CAMKV: variants seen among roughly 807,000 people sequenced by gnomAD.
CAMKV encodes the protein caM kinase-like vesicle-associated protein.
A neutral mutation model predicts 50.2 loss-of-function variants in CAMKV; 5 were observed. The ratio of observed to expected loss-of-function variants is 0.10; its 90% CI spans 0.05 to 0.21. CAMKV has a LOEUF of 0.21. Among genes scored for constraint, CAMKV ranks in the 10% least tolerant of loss-of-function variants. The pLI, the probability that CAMKV is intolerant of heterozygous loss-of-function variation, is 1.00. For missense variants in CAMKV, 361 were observed against 650.5 expected (o/e 0.55, Z 4.84); for synonymous variants, 229 against 250.1 (o/e 0.92, Z 0.80).
At chr3:49,864,180 A>T (rs1355081002) in intron 1 of CAMKV, among the ~76,000 whole-genome samples, 1 of 152,204 alleles carries the variant, frequency 6.6e-6, no homozygotes, top group Non-Finnish European at 1.5e-5. Flanking sequence ...TGCTTGGGGG[A>T]TTCCTCAGAG....
intron 1 of CAMKV, among the ~76,000 whole-genome samples, chr3:49,863,005 A>G (rs2082035903): frequency 6.6e-6 from 1 of 152,280 alleles, no homozygotes; most frequent in African/African-American, 2.4e-5. Context: ...AATTGAAAAC[A>G]GACCAAATAC....
At position 49,859,402 on chromosome 3, in the gene CAMKV, G is replaced by T. The variant is rs199584092; in HGVS notation, c.1422C>A (p.Gly474=). 3 of 1,600,130 alleles carry T rather than the reference G, an allele frequency of 1.9e-6. No homozygotes were observed. Among genetic ancestry groups the T allele is most frequent in the African/African-American group, 1.3e-5 (1 of 74,690 alleles). Residue 474 remains glycine (G), a synonymous_variant, in exon 11 of 11, where the codon GGC becomes GGA. Coordinates refer to ENST00000477224, the MANE Select transcript of CAMKV (RefSeq NM_024046.5). The surrounding 1 kb of genome is among the most constrained non-coding windows in gnomAD (Gnocchi z 5.5). ...MAQPDSTAPE[G]ATGQAPPSSK... ...TAGAGGGTGGAGCCTGGCCTGTGGC[G>T]CCCTCTGGGGCTGTGCTGTCCGGCT... is the stretch of plus-strand genomic sequence containing the variant.
Position 49,861,366 on chromosome 3 carries a change from G to A in CAMKV, c.442-66C>T. The A allele has an allele frequency of 6.2e-7, 1 of 1,613,010 alleles. No individual in the cohort carries two copies. The highest frequency in any genetic ancestry group is 8.5e-7 in the Non-Finnish European group (1 of 1,179,278). On this transcript the variant is annotated intron_variant, in intron 5 of 10. Transcript: ENST00000477224. The surrounding 1 kb of genome is among the most constrained non-coding windows in gnomAD (Gnocchi z 7.7). ...ATGAGGACCTTGGAGGCTAGACCAA[G>A]GCCCTGAGGTGCTGCCCACCCCAGC...
rs2082088709 is a variant in CAMKV at position 49,869,327 on chromosome 3, C to A, written c.-15+431G>T. Among the ~76,000 whole-genome samples the A allele has an allele frequency of 6.6e-6, 1 of 152,186 alleles. No individual in the cohort carries two copies. Among genetic ancestry groups the A allele is most frequent in the Admixed American group, 6.5e-5 (1 of 15,282 alleles). Reference sequence around the variant, plus strand: ...CCCCGCGGCAGCCCCGCCCAGCCCCCTCCGGGTTGTCGCCCATAAAGAACT... The same window carrying A: ...CCCCGCGGCAGCCCCGCCCAGCCCCATCCGGGTTGTCGCCCATAAAGAACT... On this transcript the variant is annotated intron_variant, in intron 1 of 10. Transcript: ENST00000477224. The surrounding 1 kb of genome is among the most constrained non-coding windows in gnomAD (Gnocchi z 5.2).
Position 49,860,647 on chromosome 3 carries a change from G to T in CAMKV, c.775+69C>A. ...GGGACAGAAGCAGAATACCACAGAG[G>T]AAGATGAGAGCAGGACACCCTCCCC... On this transcript the variant is annotated intron_variant, in intron 8 of 10. Coordinates refer to ENST00000477224, the MANE Select transcript of CAMKV (RefSeq NM_024046.5). This position sits in a 1 kb window ranked among gnomAD's most constrained non-coding sequence, Gnocchi z 6.1. 6.2e-7 allele frequency: 1 copy of T among 1,611,592 alleles called. No individual in the cohort carries two copies. The highest frequency in any genetic ancestry group is 1.7e-4 in the Middle Eastern group (1 of 6,054).
intron 1 of CAMKV, among the ~76,000 whole-genome samples, chr3:49,866,223 C>T (rs1478666172): frequency 6.6e-6 from 1 of 152,186 alleles, no homozygotes; most frequent in Non-Finnish European, 1.5e-5. Context: ...TCCCTCTGCC[C>T]ACACCCACTC....
At position 49,862,488 on chromosome 3, in the gene CAMKV, G is replaced by T; in HGVS notation, c.-14-86C>A. On this transcript the variant is annotated intron_variant, in intron 1 of 10. Coordinates refer to ENST00000477224, the MANE Select transcript of CAMKV (RefSeq NM_024046.5). The surrounding 1 kb of genome is among the most constrained non-coding windows in gnomAD (Gnocchi z 5.2). ...GCTGCTTTTGGGAGACCCCAACCTGGCTCAGGCCAAGCTAGGGGCAGAGAC... is the reference window on the plus strand; with the variant it reads ...GCTGCTTTTGGGAGACCCCAACCTGTCTCAGGCCAAGCTAGGGGCAGAGAC... 1 of 1,192,478 alleles carries T rather than the reference G, an allele frequency of 8.4e-7. No individual in the cohort carries two copies. Among genetic ancestry groups the T allele is most frequent in the Non-Finnish European group, 1.2e-6 (1 of 802,466 alleles). 73.9% of individuals were successfully genotyped at this position (1,192,478 alleles called of 1,614,324 possible). A position where few individuals can be genotyped will look rare whatever the true frequency, so the allele number is the denominator to read the frequency against.
At position 49,859,769 on chromosome 3, in the gene CAMKV, C is replaced by T; in HGVS notation, c.1055G>A (p.Gly352Asp). 6.4e-7 allele frequency: 1 copy of T among 1,562,146 alleles called. No individual in the cohort carries two copies. Among genetic ancestry groups the T allele is most frequent in the Non-Finnish European group, 8.7e-7 (1 of 1,154,974 alleles). ...ATDTATPGAA[G>D]GATAAAASGA... ...ACTCGCAGCTGCAGCTGTGGCCCCACCTGCAGCCCCGGGGGTGGCAGTGTC... is the reference window on the plus strand; with the variant it reads ...ACTCGCAGCTGCAGCTGTGGCCCCATCTGCAGCCCCGGGGGTGGCAGTGTC... Residue 352 changes from glycine to aspartate, a missense_variant, in exon 11 of 11, where the codon GGT (glycine) becomes GAT (aspartate). By Grantham distance (94) the Gly-to-Asp change is moderately conservative (BLOSUM62 -1). This residue lies in a region of CAMKV where 87 missense variants were observed against 92.0 expected (regional missense o/e 0.95). Transcript: ENST00000477224. This position sits in a 1 kb window ranked among gnomAD's most constrained non-coding sequence, Gnocchi z 5.5.
At position 49,861,194 on chromosome 3, in the gene CAMKV, G is replaced by C; in HGVS notation, c.548C>G (p.Thr183Ser). The change falls in exon 6 of 11, where the codon ACC (threonine) becomes AGC (serine). Residue 183 changes from threonine to serine, a missense_variant. By Grantham distance (58) the Thr-to-Ser change is moderately conservative. Around this residue, in one of 4 missense-constraint regions of CAMKV, gnomAD observed 172 missense variants for 414.3 expected, o/e 0.42. Coordinates refer to ENST00000477224, the MANE Select transcript of CAMKV (RefSeq NM_024046.5). This position sits in a 1 kb window ranked among gnomAD's most constrained non-coding sequence, Gnocchi z 7.7. ...CCCCTGCTTGCCCAGATACTCGGGG[G>C]TCCCACAGGGCTCCTTGATGAGGCC... ...ENGLIKEPCG[T>S]PEYLAPEVVG... 1 of 1,613,734 alleles carries C rather than the reference G, an allele frequency of 6.2e-7. No homozygotes were observed. Among genetic ancestry groups the C allele is most frequent in the Non-Finnish European group, 8.5e-7 (1 of 1,179,964 alleles).
Position 49,861,041 on chromosome 3 carries a change from C to T in CAMKV, c.563-23G>A, listed in dbSNP as rs764446739. On this transcript the variant is annotated intron_variant, in intron 6 of 10. Transcript: ENST00000477224. The surrounding 1 kb of genome is among the most constrained non-coding windows in gnomAD (Gnocchi z 7.7). Reference sequence around the variant, plus strand: ...GGGCTACAAACACAGCGCCCATCTGCTGGTCAGTATCAGGCCTAGCCAGGT... The same window carrying T: ...GGGCTACAAACACAGCGCCCATCTGTTGGTCAGTATCAGGCCTAGCCAGGT... 1 of 1,613,920 alleles carries T rather than the reference C, an allele frequency of 6.2e-7. No individual in the cohort carries two copies. The highest frequency in any genetic ancestry group is 1.1e-5 in the South Asian group (1 of 91,080).
intron 1 of CAMKV, among the ~76,000 whole-genome samples, chr3:49,866,891 G>A (rs2082069600): frequency 6.6e-6 from 1 of 152,228 alleles, no homozygotes; most frequent in South Asian, 2.1e-4. Flanking sequence ...CCTGGTTCAG[G>A]CCCTACCTTT....
At chr3:49,866,267 G>T (rs2082065056) in intron 1 of CAMKV, among the ~76,000 whole-genome samples, 1 of 152,176 alleles carries the variant, frequency 6.6e-6, no homozygotes. Context: ...TCCCTGGGAG[G>T]TTTCGGGTGT....
rs898424660 is a variant in CAMKV, at chr3:49,862,938, T to C, written c.-14-536A>G. On this transcript the variant is annotated intron_variant, in intron 1 of 10. Transcript: ENST00000477224. This position sits in a 1 kb window ranked among gnomAD's most constrained non-coding sequence, Gnocchi z 5.2. ...ATACGTGCCTACAGAAGTGCACATA[T>C]TCGTGCATCAGGACAGTCATACAAT... Among the ~76,000 whole-genome samples, 4 of 152,260 alleles carry C rather than the reference T, an allele frequency of 2.6e-5. No homozygotes were observed. Among genetic ancestry groups the C allele is most frequent in the African/African-American group, 9.6e-5 (4 of 41,468 alleles).
At position 49,859,884 on chromosome 3, in the gene CAMKV, G is replaced by A. The variant is rs865973354; in HGVS notation, c.943-3C>T. 5 of 1,511,318 alleles carry A rather than the reference G, an allele frequency of 3.3e-6. No homozygotes were observed. The highest frequency in any genetic ancestry group is 1.4e-5 in the African/African-American group (1 of 71,954). 93.6% of individuals were successfully genotyped at this position (1,511,318 alleles called of 1,614,324 possible). A position where few individuals can be genotyped will look rare whatever the true frequency, so the allele number is the denominator to read the frequency against. ...AGGGTGGTCACTCGGACAGCCTTCT[G>A]AAAGGAGCACAGTGGAGAAAGGCTA... On this transcript the variant is annotated splice_region_variant and splice_polypyrimidine_tract_variant and intron_variant, in intron 10 of 10. Coordinates refer to ENST00000477224, the MANE Select transcript of CAMKV (RefSeq NM_024046.5). The surrounding 1 kb of genome is among the most constrained non-coding windows in gnomAD (Gnocchi z 5.5).
chr3:49,866,955 C>T (rs1484404496), intron 1 of CAMKV, among the ~76,000 whole-genome samples: 1 of 152,232 alleles, frequency 6.6e-6, no homozygotes, highest in African/African-American at 2.4e-5. Flanking sequence ...CGTGGGGCTC[C>T]AGAGCTTGCA....
chr3:49,858,481 C>G lies in CAMKV; in HGVS notation c.*837G>C, dbSNP rs991842273. The G allele has an allele frequency of 1.3e-5, 5 of 396,358 alleles. No homozygotes were observed. The highest frequency in any genetic ancestry group is 1.0e-4 in the African/African-American group (5 of 48,552). 24.6% of individuals were successfully genotyped at this position (396,358 alleles called of 1,614,324 possible). ...GAGGTATCAGCCCTCCCTGTTTGGC[C>G]CAGGGTAAGGACCCAGTAAGGCTGG... On this transcript the variant is annotated 3_prime_UTR_variant, in exon 11 of 11. Coordinates refer to ENST00000477224, the MANE Select transcript of CAMKV (RefSeq NM_024046.5).
intron 1 of CAMKV, among the ~76,000 whole-genome samples, chr3:49,868,051 T>A (rs2108334951): frequency 6.6e-6 from 1 of 152,282 alleles, no homozygotes; most frequent in South Asian, 2.1e-4. Context: ...GCCAGCTCCT[T>A]GGAGCATGTT....
chr3:49,867,936 C>T (rs1231319676), intron 1 of CAMKV, among the ~76,000 whole-genome samples: 1 of 152,184 alleles, frequency 6.6e-6, no homozygotes, highest in Non-Finnish European at 1.5e-5. Flanking sequence ...TGCTCTAAAT[C>T]CCTGGGCCAG....
rs2081992289 is a variant in CAMKV at position 49,858,169 on chromosome 3, G to A, written c.*1149C>T. 1.5e-5 allele frequency: 6 copies of A among 397,446 alleles called. No homozygotes were observed. Among genetic ancestry groups the A allele is most frequent in the Admixed American group, 4.4e-5 (1 of 22,700 alleles). The allele number at this position is 397,446 out of a possible 1,614,324, so 24.6% of individuals were successfully genotyped here. A position where few individuals can be genotyped will look rare whatever the true frequency, so the allele number is the denominator to read the frequency against. On this transcript the variant is annotated 3_prime_UTR_variant, in exon 11 of 11. Coordinates refer to ENST00000477224, the MANE Select transcript of CAMKV (RefSeq NM_024046.5). Reference sequence around the variant, plus strand: ...CAGGCTGTGGTAGGGTCTGACAAAGGGCACCTGTCAGGAGCCTCCCTCAGG... The same window carrying A: ...CAGGCTGTGGTAGGGTCTGACAAAGAGCACCTGTCAGGAGCCTCCCTCAGG...
Sources: allele counts gnomAD v4.1 joint callset (sites outside exome capture counted in the v4.1 genomes callset), GRCh38; gene constraint gnomAD v4.1.1; regional missense constraint gnomAD v4.1.1; non-coding constraint Gnocchi (gnomAD v3.1); transcripts MANE v1.5; gene names NCBI Gene and HGNC (gene_info 2026-07-23, HGNC 2026-07-21).